ZFAT: variants seen among roughly 807,000 people sequenced by gnomAD.
ZFAT encodes the protein zinc finger protein ZFAT.
Under a neutral mutation model 117.7 loss-of-function variants are expected in ZFAT, and 64 were observed. The ratio of observed to expected loss-of-function variants is 0.54; its 90% CI spans 0.44 to 0.67. The LOEUF is 0.67. ZFAT is among the 30% of genes least tolerant of loss of function. ZFAT has a pLI of 0.00. For missense variants in ZFAT, 1,433 were observed against 1,584.5 expected (o/e 0.90, Z 1.62); for synonymous variants, 679 against 615.0 (o/e 1.10, Z -1.54).
At chr8:134,571,327 G>A (rs986032976) in intron 10 of ZFAT, among the ~76,000 whole-genome samples, 3 of 152,218 alleles carry the variant, frequency 2.0e-5, no homozygotes, top group African/African-American at 7.2e-5. Flanking sequence ...GAAGGATGAG[G>A]AGGACCAGCC....
chr8:134,526,573 G>A (rs1443042723), intron 12 of ZFAT, among the ~76,000 whole-genome samples: 2 of 152,172 alleles, frequency 1.3e-5, no homozygotes, highest in African/African-American at 2.4e-5. Flanking sequence ...AACTGATGAT[G>A]GTACGCTTTG....
intron 10 of ZFAT, among the ~76,000 whole-genome samples, chr8:134,568,584 A>C (rs369582236): frequency 6.6e-6 from 1 of 152,378 alleles, no homozygotes; most frequent in South Asian, 2.1e-4. Flanking sequence ...GAGCTAAAAA[A>C]GAGTCCTAAA....
intron 3 of ZFAT, among the ~76,000 whole-genome samples, chr8:134,626,488 C>T (rs1199370492): frequency 1.3e-5 from 2 of 152,240 alleles, no homozygotes; most frequent in Non-Finnish European, 2.9e-5. Flanking sequence ...AGCAGAGACA[C>T]AGTGCCCCAC....
intron 10 of ZFAT, among the ~76,000 whole-genome samples, chr8:134,574,703 CACCTCA>C (rs1825176819): frequency 1.3e-5 from 2 of 151,968 alleles, no homozygotes; most frequent in African/African-American, 2.4e-5. Flanking sequence ...ATTTTATGTG[CACCTCA>C]AACCTGAAAG....
At chr8:134,534,720 GA>G (rs1821695818) in intron 11 of ZFAT, among the ~76,000 whole-genome samples, 1 of 141,884 alleles carries the variant, frequency 7.0e-6, no homozygotes, top group Non-Finnish European at 1.5e-5. Flanking sequence ...GAGAGGGACA[GA>G]AGGGAGAGAG....
At chr8:134,718,850 C>T in the ZFAT span, among the ~76,000 whole-genome samples, 1 of 152,206 alleles carries the variant, frequency 6.6e-6, no homozygotes, top group Non-Finnish European at 1.5e-5. Context: ...TAAAGGATGG[C>T]ATCTGGTGTC....
chr8:134,539,508 A>G (rs374587115), intron 11 of ZFAT, among the ~76,000 whole-genome samples: 1 of 152,220 alleles, frequency 6.6e-6, no homozygotes, highest in African/African-American at 2.4e-5. Context: ...GTGCCAGATG[A>G]CACTAGTGTG....
intron 11 of ZFAT, among the ~76,000 whole-genome samples, chr8:134,561,488 A>C (rs1824046781): frequency 6.6e-6 from 1 of 152,216 alleles, no homozygotes; most frequent in Admixed American, 6.5e-5. Context: ...ATAATATCAA[A>C]AAAATTCCAT....
chr8:134,565,115 T>G (rs1365777335), intron 11 of ZFAT: 1 of 1,510,696 alleles, frequency 6.6e-7, no homozygotes, highest in African/African-American at 1.4e-5. Flanking sequence ...TTACACATCT[T>G]TGACTTGGTT....
chr8:134,764,411 CAG>C, the ZFAT span, among the ~76,000 whole-genome samples: 1 of 152,208 alleles, frequency 6.6e-6, no homozygotes, highest in African/African-American at 2.4e-5. Context: ...TACCAATAAA[CAG>C]ATAAATTGGC....
At chr8:134,674,384 C>T (rs1029152217) in intron 1 of ZFAT, among the ~76,000 whole-genome samples, 1 of 152,188 alleles carries the variant, frequency 6.6e-6, no homozygotes, top group East Asian at 1.9e-4. Context: ...CAGTCTGAGG[C>T]CAACCTGGGA....
At chr8:134,815,645 CTTCA>C in the ZFAT span, among the ~76,000 whole-genome samples, 3 of 152,238 alleles carry the variant, frequency 2.0e-5, no homozygotes, top group African/African-American at 7.2e-5. Flanking sequence ...CACCTCTAGG[CTTCA>C]TTCAATTCTC....
chr8:134,734,981 C>G, the ZFAT span, among the ~76,000 whole-genome samples: 1 of 152,160 alleles, frequency 6.6e-6, no homozygotes, highest in Non-Finnish European at 1.5e-5. Flanking sequence ...GGCCATGAAC[C>G]ACACCTGCCA....
intron 5 of ZFAT, among the ~76,000 whole-genome samples, chr8:134,606,724 T>C (rs1827911539): frequency 7.5e-6 from 1 of 133,394 alleles, no homozygotes; most frequent in African/African-American, 3.0e-5. Context: ...TGAGACTCTG[T>C]CTCAGAAAAA....
intron 1 of ZFAT, among the ~76,000 whole-genome samples, chr8:134,705,445 G>A (rs1834125132): frequency 6.9e-6 from 1 of 143,938 alleles, no homozygotes; most frequent in Non-Finnish European, 1.5e-5. Flanking sequence ...TTGAACTCCT[G>A]TCCTCAAGCA....
chr8:134,668,604 C>T (rs1022833022), intron 1 of ZFAT, among the ~76,000 whole-genome samples: 3 of 152,188 alleles, frequency 2.0e-5, no homozygotes, highest in Non-Finnish European at 2.9e-5. Context: ...CCCATCTGTA[C>T]GTCACCATCA....
intron 1 of ZFAT, among the ~76,000 whole-genome samples, chr8:134,658,336 C>G (rs1293054080): frequency 5.0e-5 from 1 of 19,902 alleles, no homozygotes; most frequent in Non-Finnish European, 9.2e-5. Flanking sequence ...GATTCTGTCT[C>G]CAAAAAAAAA....
chr8:134,667,914 C>A (rs1832319789), intron 1 of ZFAT, among the ~76,000 whole-genome samples: 1 of 152,168 alleles, frequency 6.6e-6, no homozygotes, highest in Admixed American at 6.5e-5. Flanking sequence ...CACCCTAATA[C>A]TGCACTTTTC....
chr8:134,535,310 A>T (rs549699275), intron 11 of ZFAT, among the ~76,000 whole-genome samples: 12 of 152,208 alleles, frequency 7.9e-5, no homozygotes, highest in Non-Finnish European at 1.8e-4. Flanking sequence ...CTCCACAGGG[A>T]TGTTCTATAG....
Sources: allele counts gnomAD v4.1 joint callset (sites outside exome capture counted in the v4.1 genomes callset), GRCh38; gene constraint gnomAD v4.1.1; transcripts MANE v1.5; gene names NCBI Gene and HGNC (gene_info 2026-07-23, HGNC 2026-07-21).